Variants in MTHFD2 observed in about 807,000 individuals in gnomAD.
MTHFD2 encodes the protein methylenetetrahydrofolate dehydrogenase (NADP+ dependent) 2, methenyltetrahydrofolate cyclohydrolase.
Under a neutral mutation model 36.8 loss-of-function variants are expected in MTHFD2, and 26 were observed. The ratio of observed to expected loss-of-function variants is 0.71; its 90% confidence interval spans 0.52 to 0.98. The LOEUF is 0.98. MTHFD2 is among the 50% of genes least tolerant of loss of function. MTHFD2 has a pLI of 0.00. For synonymous variants in MTHFD2, 164 were observed against 155.2 expected, an observed-to-expected ratio of 1.06 and a Z score of -0.42; for missense variants, 373 against 434.0, an observed-to-expected ratio of 0.86 and a Z score of 1.25.
rs778303462 is a variant in MTHFD2 at position 74,211,304 on chromosome 2, G to A, written c.763+13G>A. 7.6e-5 allele frequency: 117 copies of A among 1,532,824 alleles called. No individual in the cohort carries two copies. The highest frequency in any genetic ancestry group is 1.0e-4 in the Non-Finnish European group (111 of 1,109,730). 95.0% of individuals were successfully genotyped at this position (1,532,824 alleles called of 1,614,324 possible). On this transcript the variant is annotated intron_variant, in intron 6 of 7. Coordinates refer to ENST00000394053, the MANE Select transcript of MTHFD2 (RefSeq NM_006636.4). ...ATATCTGCTGCAGGTAAGAACACAA[G>A]GGGGATGGAGGGAAGGACTTCACCT...
At chr2:74,202,384 G>A (rs1694061352) in intron 1 of MTHFD2, among the ~76,000 whole-genome samples, 1 of 152,086 alleles carries the variant, frequency 6.6e-6, no homozygotes, top group Non-Finnish European at 1.5e-5. Flanking sequence ...TTTTAAAGTA[G>A]TCTTTCACTC....
chr2:74,207,610 C>A (rs1219947392), intron 2 of MTHFD2, 94 bp from the exon 3 acceptor site: 2 of 1,245,110 alleles, frequency 1.6e-6, no homozygotes, highest in Non-Finnish European at 2.2e-6. Flanking sequence ...TGTGATGATA[C>A]AAAACCCGTA....
At chr2:74,202,892 G>GT (rs1485690357) in intron 1 of MTHFD2, among the ~76,000 whole-genome samples, 1 of 152,040 alleles carries the variant, frequency 6.6e-6, no homozygotes, top group Non-Finnish European at 1.5e-5. Flanking sequence ...ATATTAATAT[G>GT]TTTTCAATTT....
At chr2:74,198,846 A>C in intron 1 of MTHFD2, 104 bp downstream of exon 1, 3 of 1,085,230 alleles carry the variant, frequency 2.8e-6, no homozygotes, top group South Asian at 1.7e-5. Flanking sequence ...CTTCCCGAAC[A>C]TCTCCGCCCC....
intron 1 of MTHFD2, among the ~76,000 whole-genome samples, chr2:74,202,977 A>G (rs1694075003): frequency 6.6e-6 from 1 of 152,142 alleles, no homozygotes; most frequent in Non-Finnish European, 1.5e-5. Flanking sequence ...TCAGGGTAAA[A>G]GTATTTGATT....
chr2:74,199,137 G>T (rs1222690686), intron 1 of MTHFD2, among the ~76,000 whole-genome samples: 1 of 152,224 alleles, frequency 6.6e-6, no homozygotes, highest in Non-Finnish European at 1.5e-5. Flanking sequence ...GGGGAGAACA[G>T]GCGAGGGTTC....
In MTHFD2 at chr2:74,215,311, A is replaced by G. The variant is rs1029555732; in HGVS notation, c.*1069A>G. On this transcript the variant is annotated 3_prime_UTR_variant, in exon 8 of 8. Coordinates refer to ENST00000394053, the MANE Select transcript of MTHFD2 (RefSeq NM_006636.4). ...TGAATTTCTGAAATTCTGTCTTCCT[A>G]TGACTCCTAGTTGTGACCTAACCAG... The G allele has an allele frequency of 5.9e-5, 9 of 152,176 alleles. No homozygotes were observed. Among genetic ancestry groups the G allele is most frequent in the Non-Finnish European group, 1.0e-4 (7 of 67,996 alleles). 9.4% of individuals were successfully genotyped at this position (152,176 alleles called of 1,614,324 possible).
Position 74,200,638 on chromosome 2 carries a change from G to A in MTHFD2, c.101+1896G>A, listed in dbSNP as rs527489922. ...GTAGCCTAGGAGACAGTGGGATTAG[G>A]AAGTCAATGGACTTTAGAGGCAGAA... On this transcript the variant is annotated intron_variant, in intron 1 of 7. Coordinates refer to ENST00000394053, the MANE Select transcript of MTHFD2 (RefSeq NM_006636.4). Among the ~76,000 whole-genome samples the A allele has an allele frequency of 2.0e-4, 31 of 152,052 alleles. 1 individual carries two copies. The South Asian group carries it at 6.2e-3, about 31-fold the overall frequency.
chr2:74,210,173 A>C, intron 5 of MTHFD2, 124 bp downstream of exon 5: 1 of 696,584 alleles, frequency 1.4e-6, no homozygotes, highest in South Asian at 2.6e-5. Context: ...AATTTTGTTA[A>C]CAGACAATTC....
chr2:74,198,872 T>C, intron 1 of MTHFD2, 130 bp downstream of exon 1: 1 of 857,838 alleles, frequency 1.2e-6, no homozygotes, highest in Non-Finnish European at 1.7e-6. Flanking sequence ...TGGTGGCCGC[T>C]GAGGGGTGTG....
rs1171944961 is a variant in MTHFD2, at chr2:74,203,843, C to CTAGTTTAGTTTAGTTTAGTTTAGTT, written c.102-1821_102-1797dup. ...TTTTACTTAAGGAAGAGATGCTCAT[C>CTAGTTTAGTTTAGTTTAGTTTAGTT]TAGTTTAGTTTAGTTTAGTTTAGTT... On this transcript the variant is annotated intron_variant, in intron 1 of 7. Transcript: ENST00000394053. 2.6e-3 allele frequency among the ~76,000 whole-genome samples: 208 copies of CTAGTTTAGTTTAGTTTAGTTTAGTT among 80,606 alleles called. 8 individuals carry two copies. The highest frequency in any genetic ancestry group is 7.1e-3 in the South Asian group (18 of 2,544). The allele number at this position is 80,606 out of a possible 152,430, so 52.9% of individuals were successfully genotyped here. A position where few individuals can be genotyped will look rare whatever the true frequency, so the allele number is the denominator to read the frequency against.
intron 2 of MTHFD2, chr2:74,206,424 T>G: frequency 6.6e-6 from 1 of 152,604 alleles, no homozygotes; most frequent in Non-Finnish European, 1.5e-5. Context: ...GTCTGGATGA[T>G]GGGGTTTGTG....
At chr2:74,203,305 C>T (rs1694084553) in intron 1 of MTHFD2, among the ~76,000 whole-genome samples, 1 of 152,040 alleles carries the variant, frequency 6.6e-6, no homozygotes, top group Admixed American at 6.6e-5. Flanking sequence ...CGTGCCTGGC[C>T]AGATTATAAT....
At chr2:74,200,174 C>T (rs960593805) in intron 1 of MTHFD2, among the ~76,000 whole-genome samples, 1 of 152,158 alleles carries the variant, frequency 6.6e-6, no homozygotes, top group South Asian at 2.1e-4. Flanking sequence ...CCCCATGTTT[C>T]GTTACTGTGT....
intron 1 of MTHFD2, 61 bp from the exon 2 acceptor site, chr2:74,205,642 CAG>C: frequency 6.5e-7 from 1 of 1,540,792 alleles, no homozygotes; most frequent in Middle Eastern, 2.3e-4. Flanking sequence ...CTACACCTGG[CAG>C]AGTTTTAGTT....
intron 1 of MTHFD2, among the ~76,000 whole-genome samples, chr2:74,201,036 G>A (rs1263868471): frequency 1.3e-5 from 2 of 152,146 alleles, no homozygotes; most frequent in African/African-American, 2.4e-5. Context: ...TGCCCAGGCT[G>A]GAGTGCAATG....
At chr2:74,202,629 C>A (rs776270620) in intron 1 of MTHFD2, among the ~76,000 whole-genome samples, 9 of 151,948 alleles carry the variant, frequency 5.9e-5, no homozygotes, top group Non-Finnish European at 1.3e-4. Flanking sequence ...CGGGTTCAAT[C>A]GATTCTCCTG....
chr2:74,213,755 A>C (rs1234545519), intron 7 of MTHFD2, among the ~76,000 whole-genome samples: 1 of 152,204 alleles, frequency 6.6e-6, no homozygotes, highest in Non-Finnish European at 1.5e-5. Flanking sequence ...ACTTAAAATT[A>C]AATTAAGAAA....
chr2:74,207,119 C>T (rs778737725), intron 2 of MTHFD2, among the ~76,000 whole-genome samples: 1 of 152,016 alleles, frequency 6.6e-6, no homozygotes, highest in Non-Finnish European at 1.5e-5. Context: ...GTATTATTAG[C>T]TCGCTTATTT....
Sources: allele counts gnomAD v4.1 joint callset (sites outside exome capture counted in the v4.1 genomes callset), GRCh38; gene constraint gnomAD v4.1.1; transcripts MANE v1.5; gene names NCBI Gene and HGNC (gene_info 2026-07-23, HGNC 2026-07-21).